KHDC1: variants seen among roughly 807,000 people sequenced by gnomAD.
KHDC1 encodes KH homology domain-containing protein 1.
A neutral mutation model predicts 24.7 loss-of-function variants in KHDC1; 21 were observed. That is an observed-to-expected ratio of 0.85 (90% confidence interval 0.60 to 1.23). KHDC1 has a LOEUF of 1.23. Among genes scored for constraint, KHDC1 ranks in the 50% most tolerant of loss-of-function variants. KHDC1 has a pLI of 0.00. For missense variants in KHDC1, 274 were observed against 298.5 expected, an observed-to-expected ratio of 0.92 and a Z score of 0.61; for synonymous variants, 98 against 111.7, an observed-to-expected ratio of 0.88 and a Z score of 0.77.
chr6:73,287,966 T>C (rs1180817773), intron 2 of KHDC1, among the ~76,000 whole-genome samples: 1 of 152,190 alleles, frequency 6.6e-6, no homozygotes, highest in Admixed American at 6.6e-5. Flanking sequence ...GGAGAAGGGC[T>C]AATGAAGCCC....
chr6:73,262,717 A>G, intron 2 of KHDC1, 57 bp downstream of exon 1: 2 of 984,332 alleles, frequency 2.0e-6, no homozygotes, highest in Non-Finnish European at 2.4e-6. Flanking sequence ...CCTTATCTGT[A>G]AGATATTCTT....
chr6:73,276,463 G>C (rs1403229216), intron 2 of KHDC1: 2 of 151,476 alleles, frequency 1.3e-5, no homozygotes, highest in Non-Finnish European at 2.9e-5. Flanking sequence ...CTCCAACCTG[G>C]GCGAAAGAGC....
In KHDC1 at chr6:73,264,185, C is replaced by T. The variant is rs1241165036; in HGVS notation, c.207-21655G>A. Among the ~76,000 whole-genome samples, 5 of 152,228 alleles carry T rather than the reference C, an allele frequency of 3.3e-5. No homozygotes were observed. In the East Asian group the frequency reaches 9.6e-4, roughly 29 times the overall value. ...CTGCATTCCAGCCTGGGCAACAAAG[C>T]AAGACCCTGTCTGAGGTCAACTCTG... On this transcript the variant is annotated intron_variant, in intron 2 of 4. Coordinates refer to ENST00000370384, the Ensembl canonical transcript of KHDC1.
At chr6:73,254,465 TAAAAATAA>T (rs1206017032) in intron 2 of KHDC1, among the ~76,000 whole-genome samples, 3 of 91,578 alleles carry the variant, frequency 3.3e-5, no homozygotes, top group East Asian at 6.0e-4. Context: ...TGTCTTAAAA[TAAAAATAA>T]ATAAATAAAT....
chr6:73,252,658 A>C (rs1258313794), intron 2 of KHDC1, among the ~76,000 whole-genome samples: 2 of 152,098 alleles, frequency 1.3e-5, no homozygotes, highest in African/African-American at 4.8e-5. Context: ...AAAAGATAAA[A>C]AAAAAAAAAT....
chr6:73,252,951 T>C (rs1434598153), intron 2 of KHDC1, among the ~76,000 whole-genome samples: 1 of 152,242 alleles, frequency 6.6e-6, no homozygotes, highest in African/African-American at 2.4e-5. Context: ...TAATTTTATG[T>C]CATAAAAGAT....
chr6:73,249,911 A>T (rs912151776), intron 2 of KHDC1, among the ~76,000 whole-genome samples: 1 of 152,104 alleles, frequency 6.6e-6, no homozygotes, highest in African/African-American at 2.4e-5. Context: ...CACTGCACCC[A>T]GCCTGATGGT....
intron 2 of KHDC1, among the ~76,000 whole-genome samples, chr6:73,270,863 T>C (rs1269266642): frequency 6.6e-6 from 1 of 152,032 alleles, no homozygotes; most frequent in Admixed American, 6.6e-5. Flanking sequence ...GCTAATTTTT[T>C]GTATTTTTAG....
chr6:73,250,959 C>T (rs1766768651), intron 2 of KHDC1, among the ~76,000 whole-genome samples: 1 of 152,100 alleles, frequency 6.6e-6, no homozygotes, highest in Non-Finnish European at 1.5e-5. Context: ...CCTGCCTCAG[C>T]CTCCCGAGTA....
intron 2 of KHDC1, among the ~76,000 whole-genome samples, chr6:73,265,815 A>G (rs1351027839): frequency 3.9e-5 from 6 of 152,164 alleles, no homozygotes; most frequent in Non-Finnish European, 8.8e-5. Flanking sequence ...GGTTGGGTGC[A>G]GTGGCTCATA....
intron 2 of KHDC1, 131 bp from the exon 2 acceptor site, chr6:73,242,661 A>G: frequency 9.8e-7 from 1 of 1,019,728 alleles, no homozygotes; most frequent in Non-Finnish European, 1.4e-6. Context: ...GGGTGGGTGT[A>G]CAATCCCGGT....
At chr6:73,302,716 T>C (rs1319082645) in intron 1 of KHDC1, among the ~76,000 whole-genome samples, 2 of 152,240 alleles carry the variant, frequency 1.3e-5, no homozygotes, top group Non-Finnish European at 2.9e-5. Flanking sequence ...TTATTGTATT[T>C]GAGGCCCATC....
At chr6:73,269,536 C>G (rs1241303226) in intron 2 of KHDC1, 1 of 152,074 alleles carries the variant, frequency 6.6e-6, no homozygotes, top group Non-Finnish European at 1.5e-5. Context: ...CAGCCTGAAT[C>G]TTTTTATGCT....
At chr6:73,309,733 G>A in exon 1 of KHDC1, 1 of 1,549,454 alleles carries the variant, frequency 6.5e-7, no homozygotes, top group Non-Finnish European at 8.7e-7. Context: ...TCTGGCCTGG[G>A]AAAGTAAGGG....
chr6:73,269,545 C>T (rs12530079), intron 2 of KHDC1: 42,143 of 152,058 alleles, frequency 0.28, 6,485 homozygotes, highest in African/African-American at 0.41. Flanking sequence ...TCTTTTTATG[C>T]TTATTGTTTG....
chr6:73,259,593 C>G (rs141200741), intron 2 of KHDC1, among the ~76,000 whole-genome samples: 5 of 152,076 alleles, frequency 3.3e-5, no homozygotes, highest in East Asian at 1.9e-4. Flanking sequence ...AAGGATAGAT[C>G]GAAGGGAATG....
intron 1 of KHDC1, among the ~76,000 whole-genome samples, chr6:73,303,419 C>T (rs2124004): frequency 0.23 from 35,451 of 152,004 alleles, 4,788 homozygotes; most frequent in African/African-American, 0.37. Flanking sequence ...CTAAAACTCA[C>T]GGGTGATGGT....
At chr6:73,241,838 C>A (rs1180065150) in intron 4 of KHDC1, 110 bp from the exon 4 acceptor site, 2 of 1,258,816 alleles carry the variant, frequency 1.6e-6, no homozygotes, top group African/African-American at 3.0e-5. Context: ...CCAGCCCAGA[C>A]CTTCCAAGGT....
intron 2 of KHDC1, among the ~76,000 whole-genome samples, chr6:73,244,442 G>A (rs561474073): frequency 6.6e-6 from 1 of 152,224 alleles, no homozygotes; most frequent in Admixed American, 6.5e-5. Flanking sequence ...TTTGAGGTCA[G>A]TGTTCAATAT....
Sources: allele counts gnomAD v4.1 joint callset (sites outside exome capture counted in the v4.1 genomes callset), GRCh38; gene constraint gnomAD v4.1.1; transcripts MANE v1.5; gene names NCBI Gene and HGNC (gene_info 2026-07-23, HGNC 2026-07-21).